Variants in SLC38A12 observed in about 807,000 individuals in gnomAD.
The protein encoded by SLC38A12 is putative sodium-coupled neutral amino acid transporter 12.
At chr17:74,835,381 G>A in the SLC38A12 span, among the ~76,000 whole-genome samples, 11 of 152,180 alleles carry the variant, frequency 7.2e-5, no homozygotes, top group Non-Finnish European at 1.0e-4. Context: ...CCTGCCTGTC[G>A]GCCTCAGCTG....
At chr17:74,822,089 TGAAAG>T in the SLC38A12 span, among the ~76,000 whole-genome samples, 1 of 152,146 alleles carries the variant, frequency 6.6e-6, no homozygotes, top group Non-Finnish European at 1.5e-5. Flanking sequence ...ATACATTTGT[TGAAAG>T]GGAAAAGATT....
chr17:74,799,046 G>A, the SLC38A12 span, among the ~76,000 whole-genome samples: 2 of 152,148 alleles, frequency 1.3e-5, no homozygotes, highest in East Asian at 3.9e-4. Flanking sequence ...TGGGATCAAG[G>A]GCACTGCCCA....
At chr17:74,794,263 A>T in the SLC38A12 span, among the ~76,000 whole-genome samples, 1 of 152,248 alleles carries the variant, frequency 6.6e-6, no homozygotes, top group African/African-American at 2.4e-5. Context: ...TGATGGAATT[A>T]GGACTAGAGC....
the SLC38A12 span, chr17:74,776,619 G>C: frequency 6.7e-6 from 1 of 150,108 alleles, no homozygotes; most frequent in African/African-American, 2.4e-5. Context: ...GAGAGGACGA[G>C]ACGGGTCGGG....
chr17:74,824,376 C>T, the SLC38A12 span, among the ~76,000 whole-genome samples: 1 of 152,222 alleles, frequency 6.6e-6, no homozygotes, highest in African/African-American at 2.4e-5. Flanking sequence ...AGAGGATGTT[C>T]TTTGTGCTCA....
chr17:74,836,886 C>T, the SLC38A12 span: 11 of 1,377,778 alleles, frequency 8.0e-6, no homozygotes, highest in Non-Finnish European at 1.0e-5. This position sits in a 1 kb window ranked among gnomAD's most constrained non-coding sequence, Gnocchi z 4.2. Flanking sequence ...CTCCCCCGGG[C>T]AGCTCTCCCA....
the SLC38A12 span, among the ~76,000 whole-genome samples, chr17:74,827,456 C>T: frequency 5.3e-5 from 8 of 152,088 alleles, no homozygotes; most frequent in African/African-American, 1.9e-4. The surrounding 1 kb of genome is among the most constrained non-coding windows in gnomAD (Gnocchi z 4.7). Context: ...CCACCACGCC[C>T]AGCTAATTTT....
the SLC38A12 span, among the ~76,000 whole-genome samples, chr17:74,815,431 C>T: frequency 2.6e-5 from 4 of 152,254 alleles, no homozygotes; most frequent in African/African-American, 9.6e-5. Flanking sequence ...AGATTGGCAC[C>T]AAGTTTAAAA....
chr17:74,837,989 C>G, the SLC38A12 span: 1 of 985,862 alleles, frequency 1.0e-6, no homozygotes, highest in Non-Finnish European at 1.2e-6. Context: ...CAGTGCCTTG[C>G]TCAGCCCCTC....
chr17:74,802,998 ATGACCT>A, the SLC38A12 span, among the ~76,000 whole-genome samples: 74 of 152,254 alleles, frequency 4.9e-4, no homozygotes, highest in African/African-American at 1.7e-3. Context: ...ATCTGTTGCC[ATGACCT>A]TGACCCACAC....
chr17:74,794,155 T>C, the SLC38A12 span, among the ~76,000 whole-genome samples: 1 of 152,208 alleles, frequency 6.6e-6, no homozygotes, highest in African/African-American at 2.4e-5. Flanking sequence ...CTGGCCTTTC[T>C]AGCTGGAATC....
At chr17:74,804,781 C>G in the SLC38A12 span, among the ~76,000 whole-genome samples, 2 of 152,234 alleles carry the variant, frequency 1.3e-5, no homozygotes, top group African/African-American at 4.8e-5. Context: ...GGGTGTTGGG[C>G]ACTGGCTGAG....
chr17:74,781,888 C>T, the SLC38A12 span, among the ~76,000 whole-genome samples: 7 of 152,194 alleles, frequency 4.6e-5, no homozygotes, highest in Non-Finnish European at 7.3e-5. Flanking sequence ...CCACACAGGC[C>T]TTCTGAAAGC....
At chr17:74,839,250 C>A in the SLC38A12 span, 2 of 1,345,932 alleles carry the variant, frequency 1.5e-6, no homozygotes, top group East Asian at 2.5e-5. Context: ...ATGACGGGCC[C>A]CTAGCCACAC....
the SLC38A12 span, among the ~76,000 whole-genome samples, chr17:74,782,465 C>G: frequency 6.6e-6 from 1 of 152,162 alleles, no homozygotes; most frequent in Non-Finnish European, 1.5e-5. Flanking sequence ...ATCCTCAGCT[C>G]CAAGCACAGG....
At chr17:74,807,787 G>A in the SLC38A12 span, among the ~76,000 whole-genome samples, 3 of 152,154 alleles carry the variant, frequency 2.0e-5, no homozygotes, top group East Asian at 5.8e-4. Flanking sequence ...CCACAGACAG[G>A]TCTGTTCCTC....
At chr17:74,809,622 T>A in the SLC38A12 span, among the ~76,000 whole-genome samples, 3 of 152,196 alleles carry the variant, frequency 2.0e-5, no homozygotes, top group Non-Finnish European at 2.9e-5. Context: ...ATGCCGCCTC[T>A]TTCCCAGCCA....
chr17:74,814,657 A>G, the SLC38A12 span, among the ~76,000 whole-genome samples: 1 of 152,178 alleles, frequency 6.6e-6, no homozygotes, highest in African/African-American at 2.4e-5. Context: ...CCCCCGCAGG[A>G]GGCATGGAAA....
At chr17:74,811,607 G>A in the SLC38A12 span, among the ~76,000 whole-genome samples, 1 of 152,196 alleles carries the variant, frequency 6.6e-6, no homozygotes, top group East Asian at 1.9e-4. Context: ...TGTAGCCCCA[G>A]CTACCTGGGA....
Sources: allele counts gnomAD v4.1 joint callset (sites outside exome capture counted in the v4.1 genomes callset), GRCh38; gene constraint gnomAD v4.1.1; non-coding constraint Gnocchi (gnomAD v3.1); transcripts MANE v1.5; gene names NCBI Gene and HGNC (gene_info 2026-07-23, HGNC 2026-07-21).